Variants in FGF14 observed in about 807,000 individuals in gnomAD.
The protein encoded by FGF14 is fibroblast growth factor 14.
FGF14 carries 5 observed loss-of-function variants against 25.5 expected under a neutral mutation model. The ratio of observed to expected loss-of-function variants is 0.20; its 90% confidence interval spans 0.10 to 0.41. The LOEUF is 0.41. Among genes scored for constraint, FGF14 ranks in the 10% least tolerant of loss-of-function variants. The pLI is 1.00. For missense variants in FGF14, 222 were observed against 320.1 expected (o/e 0.69, Z 2.34); for synonymous variants, 138 against 118.3 (o/e 1.17, Z -1.08).
intron 1 of FGF14, among the ~76,000 whole-genome samples, chr13:102,294,552 G>C (rs1024218027): frequency 1.3e-5 from 2 of 151,998 alleles, no homozygotes; most frequent in Admixed American, 1.3e-4. Context: ...TTAACTCCAG[G>C]GGCATTCTTT....
At chr13:102,255,596 C>T (rs367674779) in intron 1 of FGF14, among the ~76,000 whole-genome samples, 1 of 152,158 alleles carries the variant, frequency 6.6e-6, no homozygotes, top group African/African-American at 2.4e-5. Flanking sequence ...TTTACCCTTG[C>T]TTATAAATGA....
intron 1 of FGF14, among the ~76,000 whole-genome samples, chr13:102,154,541 G>A (rs181148705): frequency 0.024 from 3,640 of 152,144 alleles, 145 homozygotes; most frequent in African/African-American, 0.083. Flanking sequence ...AGGAACAACC[G>A]GTACCAGCCA....
chr13:101,937,062 G>A (rs1322711), intron 1 of FGF14, among the ~76,000 whole-genome samples: 32,597 of 152,008 alleles, frequency 0.21, 4,014 homozygotes, highest in East Asian at 0.52. Flanking sequence ...AAAGGATGGC[G>A]CTTTAATTTG....
At chr13:101,806,802 C>T (rs965222864) in intron 3 of FGF14, among the ~76,000 whole-genome samples, 2 of 152,076 alleles carry the variant, frequency 1.3e-5, no homozygotes, top group Admixed American at 6.5e-5. Context: ...TTAGGCCCAA[C>T]TTGAAATAAA....
intron 1 of FGF14, among the ~76,000 whole-genome samples, chr13:101,957,245 T>C (rs1454601211): frequency 8.5e-5 from 13 of 152,156 alleles, no homozygotes; most frequent in Admixed American, 8.5e-4. Context: ...ATTTCCAAAC[T>C]TCGGTGTGTT....
At chr13:102,286,110 G>A (rs1016928373) in intron 1 of FGF14, among the ~76,000 whole-genome samples, 1 of 152,156 alleles carries the variant, frequency 6.6e-6, no homozygotes, top group African/African-American at 2.4e-5. Context: ...GGTAGAGGGA[G>A]GTAAGTAGTC....
chr13:102,331,720 G>T (rs2056637963), intron 1 of FGF14, among the ~76,000 whole-genome samples: 1 of 152,118 alleles, frequency 6.6e-6, no homozygotes, highest in Non-Finnish European at 1.5e-5. Context: ...AGGATTTTAG[G>T]GTTCAAATGC....
At chr13:102,047,865 A>G in intron 1 of FGF14, among the ~76,000 whole-genome samples, 1 of 152,164 alleles carries the variant, frequency 6.6e-6, no homozygotes, top group South Asian at 2.1e-4. Flanking sequence ...TTTTCTCAAC[A>G]TTAAAAAGGA....
intron 1 of FGF14, among the ~76,000 whole-genome samples, chr13:101,911,378 T>C (rs1281113606): frequency 2.0e-5 from 3 of 152,176 alleles, no homozygotes; most frequent in Non-Finnish European, 2.9e-5. Flanking sequence ...CATAGATTAT[T>C]AATATATGTA....
At chr13:102,360,033 C>T (rs928206905) in intron 1 of FGF14, among the ~76,000 whole-genome samples, 4 of 152,038 alleles carry the variant, frequency 2.6e-5, no homozygotes, top group African/African-American at 9.7e-5. Flanking sequence ...TAAAACAAAG[C>T]TAAAGAGCTA....
At chr13:101,768,211 T>C (rs2139951057) in intron 3 of FGF14, among the ~76,000 whole-genome samples, 1 of 152,154 alleles carries the variant, frequency 6.6e-6, no homozygotes, top group Middle Eastern at 3.4e-3. Context: ...TTGATGAATG[T>C]CCACATAAAA....
At chr13:101,951,517 A>G (rs1236207991) in intron 1 of FGF14, among the ~76,000 whole-genome samples, 1 of 152,180 alleles carries the variant, frequency 6.6e-6, no homozygotes, top group Non-Finnish European at 1.5e-5. Context: ...GGAAACATTA[A>G]GGAACATGGT....
intron 3 of FGF14, among the ~76,000 whole-genome samples, chr13:101,791,863 G>T (rs993897092): frequency 6.6e-6 from 1 of 152,134 alleles, no homozygotes; most frequent in Non-Finnish European, 1.5e-5. Flanking sequence ...CACTTGAAAA[G>T]TAATGTTCCC....
chr13:102,198,518 T>C (rs1018721687), intron 1 of FGF14, among the ~76,000 whole-genome samples: 2 of 152,174 alleles, frequency 1.3e-5, no homozygotes, highest in African/African-American at 4.8e-5. Flanking sequence ...TAGGAAGGCG[T>C]AGGAGACTGA....
upstream of FGF14, among the ~76,000 whole-genome samples, chr13:101,917,841 G>A (rs1347971486): frequency 6.6e-6 from 1 of 152,074 alleles, no homozygotes; most frequent in Non-Finnish European, 1.5e-5. Flanking sequence ...GCCCTGGGAG[G>A]AGGAGATGAC....
chr13:101,767,530 G>T (rs1594177231), intron 3 of FGF14, among the ~76,000 whole-genome samples: 1 of 152,230 alleles, frequency 6.6e-6, no homozygotes, highest in South Asian at 2.1e-4. Flanking sequence ...CTCTAAATGT[G>T]TGCTTGTATT....
intron 1 of FGF14, among the ~76,000 whole-genome samples, chr13:101,980,509 C>T (rs2038183984): frequency 6.6e-6 from 1 of 152,058 alleles, no homozygotes; most frequent in Non-Finnish European, 1.5e-5. Flanking sequence ...GATAAATTTT[C>T]CATTAGAGAG....
rs79444036 is a variant in FGF14, at chr13:102,031,679, A to C, written c.209-156383T>G. On this transcript the variant is annotated intron_variant, in intron 1 of 4. Coordinates refer to the FGF14 transcript ENST00000376131. The stretch of plus-strand genomic sequence containing the variant: ...AAACATAAAACAGCAAAAAAAAAAA[A>C]GCATAACAATATTGGCAGTCTTCAT... Among the ~76,000 whole-genome samples the C allele has an allele frequency of 1.8e-4, 28 of 152,038 alleles. No individual in the cohort carries two copies. In the South Asian group the frequency reaches 5.4e-3, roughly 29 times the overall value.
intron 1 of FGF14, among the ~76,000 whole-genome samples, chr13:102,206,256 G>A (rs72647415): frequency 0.39 from 58,717 of 150,384 alleles, 13,193 homozygotes; most frequent in African/African-American, 0.62. Context: ...AGTGAATTCT[G>A]TGAAGCTCCC....
Sources: gnomAD v4.1 joint callset for allele counts (sites outside exome capture counted in the v4.1 genomes callset) on GRCh38, gnomAD v4.1.1 for gene constraint, MANE v1.5 for transcripts, NCBI Gene and HGNC (gene_info 2026-07-23, HGNC 2026-07-21) for gene names.